The following IL19 variants were observed in gnomAD, a reference collection of about 807,000 sequenced individuals.
The protein encoded by IL19 is interleukin-19.
IL19 carries 15 observed loss-of-function variants against 19.5 expected under a neutral mutation model. The ratio of observed to expected loss-of-function variants is 0.77; its 90% CI spans 0.52 to 1.19. The LOEUF (loss-of-function observed/expected upper bound fraction) is 1.19. IL19 is among the 50% of genes most tolerant of loss of function. The pLI, the probability that IL19 is intolerant of heterozygous loss-of-function variation, is 0.00. For missense variants in IL19, 199 were observed against 213.1 expected, an observed-to-expected ratio of 0.93 and a Z score of 0.41; for synonymous variants, 78 against 78.3, an observed-to-expected ratio of 1.00 and a Z score of 0.02.
At chr1:206,771,902 A>T (rs1487218773) in intron 1 of IL19, among the ~76,000 whole-genome samples, 2 of 152,240 alleles carry the variant, frequency 1.3e-5, no homozygotes, top group Admixed American at 6.5e-5. Context: ...GAAACGCTCT[A>T]AGCAGAGGCA....
chr1:206,778,780 T>C (rs373097439), intron 1 of IL19, among the ~76,000 whole-genome samples: 1 of 152,196 alleles, frequency 6.6e-6, no homozygotes, highest in Non-Finnish European at 1.5e-5. Context: ...AATGGAACTA[T>C]CAATTAACTC....
chr1:206,804,766 A>G (rs1242423315), intron 2 of IL19, among the ~76,000 whole-genome samples: 4 of 152,234 alleles, frequency 2.6e-5, no homozygotes, highest in African/African-American at 9.6e-5. Flanking sequence ...GGGTGGAAGA[A>G]TAGAAAATGG....
At chr1:206,812,946 C>T (rs949086469) in intron 2 of IL19, among the ~76,000 whole-genome samples, 8 of 152,124 alleles carry the variant, frequency 5.3e-5, no homozygotes, top group South Asian at 2.1e-4. Flanking sequence ...GTAATTCAAA[C>T]GGATACAATG....
intron 2 of IL19, among the ~76,000 whole-genome samples, chr1:206,832,898 C>T (rs80104423): frequency 0.028 from 4,230 of 152,316 alleles, 206 homozygotes; most frequent in African/African-American, 0.098. Flanking sequence ...TGCACCTGTC[C>T]CGTAAAAGGC....
chr1:206,790,310 C>T (rs962506282), intron 1 of IL19, among the ~76,000 whole-genome samples: 1 of 152,076 alleles, frequency 6.6e-6, no homozygotes, highest in Non-Finnish European at 1.5e-5. Flanking sequence ...GGGCACGGTC[C>T]TCTCATTGTG....
chr1:206,799,237 G>A (rs1558611492), intron 2 of IL19, among the ~76,000 whole-genome samples: 2 of 151,980 alleles, frequency 1.3e-5, no homozygotes, highest in African/African-American at 4.8e-5. Context: ...GTGTAGGGTG[G>A]AAAGGCAGAC....
At chr1:206,792,149 GC>G (rs1675422482) in intron 1 of IL19, among the ~76,000 whole-genome samples, 1 of 152,198 alleles carries the variant, frequency 6.6e-6, no homozygotes, top group African/African-American at 2.4e-5. Context: ...TTCTGAGAAA[GC>G]CTGGGGAACA....
At chr1:206,827,990 G>A (rs1170236722) in intron 2 of IL19, among the ~76,000 whole-genome samples, 1 of 152,216 alleles carries the variant, frequency 6.6e-6, no homozygotes, top group Admixed American at 6.5e-5. Context: ...AATGCATATG[G>A]ATGCTTCACA....
chr1:206,828,632 T>C (rs1001318153), intron 2 of IL19, among the ~76,000 whole-genome samples: 2 of 152,154 alleles, frequency 1.3e-5, no homozygotes, highest in African/African-American at 4.8e-5. Flanking sequence ...TCTCTGGTTC[T>C]CCCAGAGGCA....
intron 2 of IL19, among the ~76,000 whole-genome samples, chr1:206,823,248 C>A (rs1055726223): frequency 8.5e-5 from 13 of 152,056 alleles, no homozygotes; most frequent in African/African-American, 2.6e-4. Context: ...TCTAGGTGAT[C>A]CAAGTTAGAA....
At chr1:206,838,783 TCCCTTCCCTTC>T (rs1264473514) in intron 4 of IL19, among the ~76,000 whole-genome samples, 1 of 145,290 alleles carries the variant, frequency 6.9e-6, no homozygotes, top group East Asian at 2.0e-4. Flanking sequence ...TCCCTTCCCT[TCCCTTCCCTTC>T]CCTTCCTCTC....
At chr1:206,833,821 A>G (rs1460148126) in intron 2 of IL19, 2 of 985,448 alleles carry the variant, frequency 2.0e-6, no homozygotes, top group Non-Finnish European at 2.4e-6. Flanking sequence ...TATGAGGGGA[A>G]AAAGTGTTCC....
intron 2 of IL19, among the ~76,000 whole-genome samples, chr1:206,811,394 A>C (rs145713665): frequency 6.7e-6 from 1 of 148,610 alleles, no homozygotes; most frequent in African/African-American, 2.5e-5. Context: ...TAGTGAGCCG[A>C]GATCTCGCCA....
At chr1:206,793,548 G>A (rs993560961) in intron 1 of IL19, among the ~76,000 whole-genome samples, 1 of 152,226 alleles carries the variant, frequency 6.6e-6, no homozygotes, top group African/African-American at 2.4e-5. Flanking sequence ...GTGCTGCTCG[G>A]AGAGTCAAAG....
chr1:206,799,133 G>A, intron 2 of IL19, 127 bp downstream of exon 2: 1 of 713,746 alleles, frequency 1.4e-6, no homozygotes, highest in Non-Finnish European at 2.4e-6. Flanking sequence ...GACTGCCTTT[G>A]TCTGTCATAA....
intron 2 of IL19, among the ~76,000 whole-genome samples, chr1:206,814,941 C>G (rs777918746): frequency 2.0e-5 from 3 of 152,176 alleles, no homozygotes; most frequent in Non-Finnish European, 2.9e-5. Flanking sequence ...TCATCTGAAA[C>G]CTTAGAGACC....
intron 1 of IL19, among the ~76,000 whole-genome samples, chr1:206,798,130 C>G (rs1675570384): frequency 6.6e-6 from 1 of 152,160 alleles, no homozygotes; most frequent in African/African-American, 2.4e-5. Context: ...CTCTTGCTGC[C>G]TAGTTCCTCT....
intron 2 of IL19, among the ~76,000 whole-genome samples, chr1:206,823,538 C>T (rs1176659496): frequency 2.0e-5 from 3 of 150,590 alleles, no homozygotes; most frequent in Non-Finnish European, 4.4e-5. Context: ...CTGGTGACAG[C>T]GAGACTCCGT....
At position 206,801,948 on chromosome 1, in the gene IL19, A is replaced by T. The variant is rs149413495; in HGVS notation, c.-3+2942A>T. Among the ~76,000 whole-genome samples the T allele has an allele frequency of 1.2e-3, 185 of 152,310 alleles. 1 individual carries two copies. Among genetic ancestry groups the T allele is most frequent in the African/African-American group, 3.0e-3 (123 of 41,562 alleles). ...GGGAAGAACTCCAGTGAGCAGAAAAAGGGAAGGGACATTTGGGTGGAAGAA... is the reference window on the plus strand; with the variant it reads ...GGGAAGAACTCCAGTGAGCAGAAAATGGGAAGGGACATTTGGGTGGAAGAA... On this transcript the variant is annotated intron_variant, in intron 2 of 6. Transcript: ENST00000659997.
Sources: gnomAD v4.1 joint callset for allele counts (sites outside exome capture counted in the v4.1 genomes callset) on GRCh38, gnomAD v4.1.1 for gene constraint, MANE v1.5 for transcripts, NCBI Gene and HGNC (gene_info 2026-07-23, HGNC 2026-07-21) for gene names.